The following CLIP3 variants were observed in gnomAD, a reference collection of about 807,000 sequenced individuals.
The protein encoded by CLIP3 is CAP-Gly domain-containing linker protein 3.
Under a neutral mutation model 59.4 loss-of-function variants are expected in CLIP3, and 15 were observed. The ratio of observed to expected loss-of-function variants is 0.25; its 90% CI spans 0.17 to 0.39. The LOEUF is 0.39. CLIP3 is among the 10% of genes least tolerant of loss of function. CLIP3 has a pLI of 1.00. For synonymous variants in CLIP3, 300 were observed against 321.6 expected (o/e 0.93, Z 0.72); for missense variants, 495 against 765.7 (o/e 0.65, Z 4.17).
At chr19:36,017,244 T>G (rs1968821568) in intron 12 of CLIP3, 142 bp downstream of exon 12, 3 of 886,304 alleles carry the variant, frequency 3.4e-6, no homozygotes, top group South Asian at 3.1e-5. Flanking sequence ...TATCTTTTTG[T>G]GGACCTTGTC....
intron 7 of CLIP3, among the ~76,000 whole-genome samples, chr19:36,021,741 T>C (rs976118562): frequency 3.3e-5 from 5 of 152,014 alleles, no homozygotes; most frequent in East Asian, 3.9e-4. Context: ...TTTTAACACA[T>C]GTAAACTTGC....
chr19:36,023,691 C>T (rs531474351), intron 7 of CLIP3, among the ~76,000 whole-genome samples: 1 of 151,968 alleles, frequency 6.6e-6, no homozygotes, highest in South Asian at 2.1e-4. Context: ...GAGGTGTGAA[C>T]TACCGTGCCC....
Position 36,026,245 on chromosome 19 carries a change from C to A in CLIP3, c.583G>T (p.Asp195Tyr). The A allele has an allele frequency of 6.2e-7, 1 of 1,613,522 alleles. No homozygotes were observed. Among genetic ancestry groups the A allele is most frequent in the South Asian group, 1.1e-5 (1 of 91,030 alleles). The change falls in exon 6 of 14, where the codon GAC (aspartate) becomes TAC (tyrosine). Residue 195 changes from aspartate (D) to tyrosine (Y), a missense_variant. This residue lies in a region of CLIP3 where 194 missense variants were observed against 327.8 expected (regional missense o/e 0.59). Transcript: ENST00000360535. This position sits in a 1 kb window ranked among gnomAD's most constrained non-coding sequence, Gnocchi z 6.3. ...RPRVVNSTCSDFNHGSALHIA... is the reference protein window; with the variant it reads ...RPRVVNSTCSYFNHGSALHIA... ...TGCAGGGCTGAGCCGTGGTTGAAGT[C>A]ACTGCACGTGGAGTTCACCACTGGA...
Position 36,018,895 on chromosome 19 carries a change from G to T in CLIP3, c.1183+3C>A, listed in dbSNP as rs1312919207. The stretch of plus-strand genomic sequence containing the variant: ...TTCCCACCACAGGGATCCCCTCTCT[G>T]ACCTTTGTGTTCCCTGCGGCCTTTG... On this transcript the variant is annotated splice_donor_region_variant and intron_variant, in intron 9 of 13. Transcript: ENST00000360535. The T allele has an allele frequency of 1.9e-6, 3 of 1,612,966 alleles. No individual in the cohort carries two copies. In the East Asian group the frequency reaches 6.7e-5, roughly 36 times the overall value.
chr19:36,026,570 G>T lies in CLIP3; in HGVS notation c.562+16C>A. On this transcript the variant is annotated intron_variant, in intron 5 of 13. Transcript: ENST00000360535. This position sits in a 1 kb window ranked among gnomAD's most constrained non-coding sequence, Gnocchi z 6.3. The stretch of plus-strand genomic sequence containing the variant: ...CCAGGTCCTTGCCCCCTCCCAGCCA[G>T]GGCTCTCCTCCTCACCTCGCGGCCT... The T allele has an allele frequency of 6.2e-7, 1 of 1,612,746 alleles. No individual in the cohort carries two copies.
At chr19:36,022,827 G>A (rs1334776015) in intron 7 of CLIP3, among the ~76,000 whole-genome samples, 5 of 152,036 alleles carry the variant, frequency 3.3e-5, no homozygotes, top group East Asian at 3.9e-4. Context: ...AGGCTGAGGC[G>A]GGCGGATCAC....
chr19:36,027,454 G>A (rs1030044670), intron 2 of CLIP3, among the ~76,000 whole-genome samples, 183 bp from the exon 3 acceptor site: 10 of 152,180 alleles, frequency 6.6e-5, no homozygotes, highest in African/African-American at 2.4e-4. Flanking sequence ...TCAAACTCAG[G>A]TGGGTTCACA....
intron 2 of CLIP3, among the ~76,000 whole-genome samples, chr19:36,030,396 C>T (rs1433261036): frequency 6.6e-6 from 1 of 152,160 alleles, no homozygotes; most frequent in African/African-American, 2.4e-5. Context: ...CTTGTAGTCT[C>T]CCTGATCTAC....
intron 2 of CLIP3, among the ~76,000 whole-genome samples, chr19:36,030,030 GA>G (rs1568545099): frequency 3.3e-5 from 5 of 151,914 alleles, no homozygotes; most frequent in African/African-American, 1.2e-4. Flanking sequence ...GCACCCCCCC[GA>G]CCTCAGGCCC....
chr19:36,015,239 T>G lies in CLIP3; in HGVS notation c.*919A>C, dbSNP rs1968761937. ...TTGGGGGTCCTAGGAGTTACGGCAT[T>G]GGGGTCTTCTAGGGGCTGTAGGACT... On this transcript the variant is annotated 3_prime_UTR_variant, in exon 14 of 14. Transcript: ENST00000360535. 6.6e-6 allele frequency: 1 copy of G among 152,116 alleles called. No individual in the cohort carries two copies. The highest frequency in any genetic ancestry group is 2.4e-5 in the African/African-American group (1 of 41,348). 9.4% of individuals were successfully genotyped at this position (152,116 alleles called of 1,614,324 possible).
At chr19:36,019,363 G>A (rs1373564829) in intron 7 of CLIP3, 57 bp from the exon 8 acceptor site, 4 of 1,560,940 alleles carry the variant, frequency 2.6e-6, no homozygotes, top group Non-Finnish European at 2.6e-6. Context: ...CCAACGTGGA[G>A]TGCCCACACA....
chr19:36,017,672 T>A lies in CLIP3; in HGVS notation c.1434A>T (p.Pro478=). ...TCPPRHGVFA[P]ASRIQRIGGS... is the part of the protein sequence containing the mutation. ...GGGCTCACCTCTGAATACGGGATGC[T>A]GGTGCGAAGACCCCATGCCTCGGGG... The change falls in exon 11 of 14, where the codon CCA becomes CCT. Residue 478 remains proline, a synonymous_variant. Coordinates refer to ENST00000360535, the MANE Select transcript of CLIP3 (RefSeq NM_015526.3). 6.2e-7 allele frequency: 1 copy of A among 1,613,926 alleles called. No individual in the cohort carries two copies. The highest frequency in any genetic ancestry group is 8.5e-7 in the Non-Finnish European group (1 of 1,179,936).
At chr19:36,028,331 C>T (rs561235874) in intron 2 of CLIP3, among the ~76,000 whole-genome samples, 1 of 152,138 alleles carries the variant, frequency 6.6e-6, no homozygotes, top group East Asian at 1.9e-4. Context: ...GAGAGTGAGA[C>T]TCCATCTCAA....
At position 36,020,323 on chromosome 19, in the gene CLIP3, C is replaced by T. The variant is rs145452000; in HGVS notation, c.919-1017G>A. Among the ~76,000 whole-genome samples, 17 of 151,914 alleles carry T rather than the reference C, an allele frequency of 1.1e-4. No homozygotes were observed. The South Asian group carries it at 2.3e-3, about 21-fold the overall frequency. ...AAATTTAAAAATAAATAAATTTAGT[C>T]CGGGCGCGGTGGCTCACACCTATAA... On this transcript the variant is annotated intron_variant, in intron 7 of 13. Transcript: ENST00000360535.
At chr19:36,021,633 A>G (rs1003278512) in intron 7 of CLIP3, among the ~76,000 whole-genome samples, 1 of 151,986 alleles carries the variant, frequency 6.6e-6, no homozygotes, top group Non-Finnish European at 1.5e-5. Flanking sequence ...TATGTTGCCC[A>G]GGCTGGTCTC....
chr19:36,022,974 G>A lies in CLIP3; in HGVS notation c.918+1422C>T, dbSNP rs537297684. Reference sequence around the variant, plus strand: ...GGAGGCTGAGGCAGGAGAATGGCATGAACCCAGGAGGCAGAGCTTGCAGTG... The same window carrying A: ...GGAGGCTGAGGCAGGAGAATGGCATAAACCCAGGAGGCAGAGCTTGCAGTG... On this transcript the variant is annotated intron_variant, in intron 7 of 13. Coordinates refer to ENST00000360535, the MANE Select transcript of CLIP3 (RefSeq NM_015526.3). 5.9e-5 allele frequency among the ~76,000 whole-genome samples: 9 copies of A among 152,306 alleles called. No homozygotes were observed. The Middle Eastern group carries it at 0.01, about 173-fold the overall frequency.
At position 36,026,463 on chromosome 19, in the gene CLIP3, C is replaced by T. The variant is rs934212642; in HGVS notation, c.562+123G>A. The T allele has an allele frequency of 7.1e-7, 1 of 1,413,870 alleles. No individual in the cohort carries two copies. The highest frequency in any genetic ancestry group is 1.4e-5 in the African/African-American group (1 of 70,778). 87.6% of individuals were successfully genotyped at this position (1,413,870 alleles called of 1,614,324 possible). A position where few individuals can be genotyped will look rare whatever the true frequency, so the allele number is the denominator to read the frequency against. On this transcript the variant is annotated intron_variant, in intron 5 of 13. Coordinates refer to ENST00000360535, the MANE Select transcript of CLIP3 (RefSeq NM_015526.3). This position sits in a 1 kb window ranked among gnomAD's most constrained non-coding sequence, Gnocchi z 6.3. ...AGTCCCTGAGCCCCCTCTCCCACGCCTCCAACCTCCCGCTATCTCCTCAGA... is the reference window on the plus strand; with the variant it reads ...AGTCCCTGAGCCCCCTCTCCCACGCTTCCAACCTCCCGCTATCTCCTCAGA...
At chr19:36,025,550 C>T (rs1969080861) in intron 6 of CLIP3, among the ~76,000 whole-genome samples, 1 of 147,508 alleles carries the variant, frequency 6.8e-6, no homozygotes, top group African/African-American at 2.5e-5. Flanking sequence ...GAGATTGCAC[C>T]ACTGCACTCC....
chr19:36,028,419 G>T (rs1218459803), intron 2 of CLIP3, among the ~76,000 whole-genome samples: 1 of 152,142 alleles, frequency 6.6e-6, no homozygotes, highest in East Asian at 1.9e-4. Context: ...GCCCAGCCAG[G>T]GTGGTGCCTA....
Sources: gnomAD v4.1 joint callset for allele counts (sites outside exome capture counted in the v4.1 genomes callset) on GRCh38, gnomAD v4.1.1 for gene constraint, gnomAD v4.1.1 regional missense constraint, Gnocchi (gnomAD v3.1) non-coding constraint, MANE v1.5 for transcripts, NCBI Gene and HGNC (gene_info 2026-07-23, HGNC 2026-07-21) for gene names.